ATP2B4: variants seen among roughly 807,000 people sequenced by gnomAD.
The protein encoded by ATP2B4 is ATPase plasma membrane Ca2+ transporting 4.
Under a neutral mutation model 110.3 loss-of-function variants are expected in ATP2B4, and 39 were observed. That is an observed-to-expected ratio of 0.35 (90% CI 0.27 to 0.46). The LOEUF (loss-of-function observed/expected upper bound fraction) is 0.46. Among genes scored for constraint, ATP2B4 ranks in the 20% least tolerant of loss-of-function variants. ATP2B4 has a pLI of 1.00. For synonymous variants in ATP2B4, 538 were observed against 571.7 expected (o/e 0.94, Z 0.84); for missense variants, 1,135 against 1,530.9 (o/e 0.74, Z 4.32).
intron 20 of ATP2B4, 81 bp from the exon 21 acceptor site, chr1:203,739,465 C>T: frequency 7.0e-7 from 1 of 1,434,428 alleles, no homozygotes; most frequent in Middle Eastern, 1.8e-4. Flanking sequence ...TGTTTCTCTC[C>T]TAAATCCACC....
chr1:203,668,811 A>G (rs1018040603), intron 1 of ATP2B4, among the ~76,000 whole-genome samples: 1 of 152,340 alleles, frequency 6.6e-6, no homozygotes, highest in Middle Eastern at 3.4e-3. Context: ...GCAAGGATCA[A>G]TCCAATTAGG....
intron 1 of ATP2B4, among the ~76,000 whole-genome samples, chr1:203,638,408 G>C (rs1207282999): frequency 6.6e-6 from 1 of 152,182 alleles, no homozygotes; most frequent in Admixed American, 6.5e-5. Flanking sequence ...TTTGTGGGGA[G>C]CACTCGTACG....
chr1:203,705,700 A>C (rs1394229400), intron 8 of ATP2B4, among the ~76,000 whole-genome samples: 2 of 152,194 alleles, frequency 1.3e-5, no homozygotes, highest in African/African-American at 2.4e-5. Flanking sequence ...TATAGGCGTG[A>C]GCCACTGTAC....
chr1:203,718,212 A>G (rs1666215226), intron 15 of ATP2B4, among the ~76,000 whole-genome samples: 2 of 151,998 alleles, frequency 1.3e-5, no homozygotes, highest in Non-Finnish European at 2.9e-5. Flanking sequence ...TAGAAGAAAT[A>G]ATAATTTTTT....
intron 2 of ATP2B4, among the ~76,000 whole-genome samples, chr1:203,683,942 T>C (rs1257697390): frequency 1.3e-5 from 2 of 152,088 alleles, no homozygotes; most frequent in Non-Finnish European, 2.9e-5. Context: ...TCCCAAAGTG[T>C]TGGGATTACA....
At chr1:203,657,352 C>T (rs923637091) in intron 1 of ATP2B4, 36 of 745,324 alleles carry the variant, frequency 4.8e-5, no homozygotes, top group African/African-American at 1.6e-4. Flanking sequence ...ACTTTTAATA[C>T]GTCTGTTTCT....
At chr1:203,729,575 T>C (rs778755096) in intron 20 of ATP2B4, 1 of 440,640 alleles carries the variant, frequency 2.3e-6, no homozygotes, top group East Asian at 6.7e-5. Flanking sequence ...AGAAGAAAAG[T>C]GGATTGCAGA....
intron 2 of ATP2B4, among the ~76,000 whole-genome samples, chr1:203,686,698 T>TTC: frequency 7.3e-6 from 1 of 136,496 alleles, no homozygotes; most frequent in East Asian, 2.4e-4. Flanking sequence ...TTTTTTTTTT[T>TTC]TTTTTTTTTT....
intron 2 of ATP2B4, among the ~76,000 whole-genome samples, chr1:203,687,467 T>C (rs748848111): frequency 5.9e-5 from 9 of 152,176 alleles, no homozygotes; most frequent in Non-Finnish European, 1.2e-4. Context: ...CCTGACAGCC[T>C]AGGAGAATTT....
chr1:203,655,103 G>A (rs1664118307), intron 1 of ATP2B4, among the ~76,000 whole-genome samples: 1 of 152,252 alleles, frequency 6.6e-6, no homozygotes, highest in Non-Finnish European at 1.5e-5. Context: ...CTGAATTGCT[G>A]CCATCTCATG....
At chr1:203,664,056 C>G (rs945299264) in intron 1 of ATP2B4, among the ~76,000 whole-genome samples, 1 of 152,166 alleles carries the variant, frequency 6.6e-6, no homozygotes, top group Non-Finnish European at 1.5e-5. Flanking sequence ...TATTGTCAGT[C>G]CTGTCTATCT....
intron 6 of ATP2B4, 50 bp from the exon 7 acceptor site, chr1:203,701,994 A>C: frequency 6.8e-6 from 11 of 1,608,110 alleles, no homozygotes; most frequent in Non-Finnish European, 9.4e-6. Flanking sequence ...TGGATCTCTT[A>C]ATAGTTACTT....
chr1:203,704,788 G>A (rs1665802731), intron 8 of ATP2B4, among the ~76,000 whole-genome samples: 1 of 152,074 alleles, frequency 6.6e-6, no homozygotes, highest in Non-Finnish European at 1.5e-5. Flanking sequence ...CCAGAGAGTA[G>A]TTTTTTACCA....
rs762225120 is a variant in ATP2B4, at chr1:203,721,238, G to A, written c.2640G>A (p.Leu880=). ...LKAVQMLWVN[L]IMDTFASLAL... is the part of the protein sequence containing the mutation. ...CTGTGCAGATGTTGTGGGTTAATCT[G>A]ATCATGGACACTTTTGCTTCATTGG... Residue 880 remains leucine, a synonymous_variant, in exon 17 of 21, where the codon CTG becomes CTA. Transcript: ENST00000357681. 4 of 1,614,216 alleles carry A rather than the reference G, an allele frequency of 2.5e-6. No homozygotes were observed. The South Asian group carries it at 4.4e-5, about 18-fold the overall frequency.
chr1:203,686,011 A>G (rs1665168732), intron 2 of ATP2B4, among the ~76,000 whole-genome samples: 1 of 151,990 alleles, frequency 6.6e-6, no homozygotes, highest in African/African-American at 2.4e-5. Context: ...ATCACAAAAA[A>G]AAAAAAAACC....
At chr1:203,706,194 G>A (rs190561118) in intron 8 of ATP2B4, among the ~76,000 whole-genome samples, 1 of 152,076 alleles carries the variant, frequency 6.6e-6, no homozygotes, top group Non-Finnish European at 1.5e-5. Context: ...AATGTGTAGG[G>A]TAACCAACCA....
At chr1:203,701,127 C>T (rs1469190897) in intron 6 of ATP2B4, among the ~76,000 whole-genome samples, 1 of 151,786 alleles carries the variant, frequency 6.6e-6, no homozygotes, top group Non-Finnish European at 1.5e-5. Flanking sequence ...GCTCTAGGCT[C>T]CCAAATCAGG....
intron 2 of ATP2B4, among the ~76,000 whole-genome samples, chr1:203,692,046 T>C (rs1384705149): frequency 6.6e-6 from 1 of 151,796 alleles, no homozygotes; most frequent in African/African-American, 2.4e-5. Flanking sequence ...CACACCCAGC[T>C]AATTTTTGTA....
At chr1:203,736,660 G>A (rs1463819844) in intron 20 of ATP2B4, among the ~76,000 whole-genome samples, 1 of 152,180 alleles carries the variant, frequency 6.6e-6, no homozygotes, top group African/African-American at 2.4e-5. Context: ...AAGGTTTTGA[G>A]AAATGATGAC....
Sources: gnomAD v4.1 joint callset for allele counts (sites outside exome capture counted in the v4.1 genomes callset) on GRCh38, gnomAD v4.1.1 for gene constraint, MANE v1.5 for transcripts, NCBI Gene and HGNC (gene_info 2026-07-23, HGNC 2026-07-21) for gene names.